Variants in ENTREP2 observed in about 807,000 individuals in gnomAD.
The protein encoded by ENTREP2 is protein ENTREP2.
chr15:29,326,139 T>C, the ENTREP2 span, among the ~76,000 whole-genome samples: 2 of 152,108 alleles, frequency 1.3e-5, no homozygotes, highest in Non-Finnish European at 2.9e-5. Context: ...AATAATGAAA[T>C]ACTGCACACT....
At chr15:29,481,794 G>A in the ENTREP2 span, among the ~76,000 whole-genome samples, 2 of 152,012 alleles carry the variant, frequency 1.3e-5, no homozygotes, top group African/African-American at 4.8e-5. Flanking sequence ...CTGACTTCAC[G>A]AATAAGCGGA....
the ENTREP2 span, among the ~76,000 whole-genome samples, chr15:29,539,595 GC>G: frequency 2.0e-5 from 3 of 152,072 alleles, no homozygotes; most frequent in East Asian, 3.9e-4. Flanking sequence ...CACATGCCCT[GC>G]CCCTATTTCC....
the ENTREP2 span, among the ~76,000 whole-genome samples, chr15:29,600,915 T>TTTTTTTTTTTTTTTTTTTTTG: frequency 7.0e-6 from 1 of 143,446 alleles, no homozygotes; most frequent in East Asian, 2.0e-4. Context: ...TTTTTTTTTT[T>TTTTTTTTTTTTTTTTTTTTTG]GAGACAGAGT....
chr15:29,269,680 C>A, the ENTREP2 span: 1 of 1,554,580 alleles, frequency 6.4e-7, no homozygotes, highest in Non-Finnish European at 8.6e-7. Context: ...GCCAGAGCGG[C>A]CCCGGTTCCT....
the ENTREP2 span, among the ~76,000 whole-genome samples, chr15:29,174,284 C>T: frequency 2.0e-5 from 3 of 152,154 alleles, no homozygotes; most frequent in Admixed American, 6.5e-5. Context: ...TGTATCAGAA[C>T]GACAACTCAT....
chr15:29,269,601 G>A, the ENTREP2 span: 2 of 1,557,704 alleles, frequency 1.3e-6, no homozygotes, highest in Non-Finnish European at 1.7e-6. Context: ...GAACCCGGGC[G>A]TCTTCCCCGG....
chr15:29,305,860 T>C, the ENTREP2 span, among the ~76,000 whole-genome samples: 1 of 152,120 alleles, frequency 6.6e-6, no homozygotes, highest in Non-Finnish European at 1.5e-5. Flanking sequence ...GAAATCCCAT[T>C]AGAGAGAGAA....
the ENTREP2 span, among the ~76,000 whole-genome samples, chr15:29,347,851 G>A: frequency 1.3e-5 from 2 of 152,156 alleles, no homozygotes; most frequent in Admixed American, 6.5e-5. Flanking sequence ...ATGTAGACAC[G>A]GTATCTGCGA....
At chr15:29,250,870 C>T in the ENTREP2 span, among the ~76,000 whole-genome samples, 1 of 152,324 alleles carries the variant, frequency 6.6e-6, no homozygotes, top group East Asian at 1.9e-4. Flanking sequence ...GAGAATACTT[C>T]TGTGCACATC....
At chr15:29,560,087 G>A in the ENTREP2 span, among the ~76,000 whole-genome samples, 4 of 152,208 alleles carry the variant, frequency 2.6e-5, no homozygotes, top group Non-Finnish European at 5.9e-5. Flanking sequence ...AGCCACTTAC[G>A]GGGCTACCAG....
chr15:29,213,686 T>G, the ENTREP2 span, among the ~76,000 whole-genome samples: 145 of 152,274 alleles, frequency 9.5e-4, 1 homozygote, highest in African/African-American at 3.4e-3. Flanking sequence ...AAGGAGATTT[T>G]GGGCTGAGAT....
chr15:29,363,582 G>C, the ENTREP2 span, among the ~76,000 whole-genome samples: 1 of 152,178 alleles, frequency 6.6e-6, no homozygotes, highest in Admixed American at 6.5e-5. Context: ...GCAATGAAGA[G>C]AGAGAAATAA....
chr15:29,341,820 T>C, the ENTREP2 span, among the ~76,000 whole-genome samples: 1 of 152,096 alleles, frequency 6.6e-6, no homozygotes, highest in East Asian at 1.9e-4. Flanking sequence ...TTACAGAAAC[T>C]GTCAGGAGGC....
chr15:29,260,986 A>C, the ENTREP2 span, among the ~76,000 whole-genome samples: 1 of 152,326 alleles, frequency 6.6e-6, no homozygotes, highest in Admixed American at 6.5e-5. Context: ...AACAAGACTT[A>C]ACAAAATCAT....
the ENTREP2 span, among the ~76,000 whole-genome samples, chr15:29,199,148 G>C: frequency 6.6e-6 from 1 of 152,166 alleles, no homozygotes; most frequent in Non-Finnish European, 1.5e-5. Context: ...GGGATTTTCA[G>C]CTTTAGCAGA....
At chr15:29,642,067 C>G in the ENTREP2 span, among the ~76,000 whole-genome samples, 1 of 151,986 alleles carries the variant, frequency 6.6e-6, no homozygotes, top group Non-Finnish European at 1.5e-5. Context: ...CCAAATTGAT[C>G]TACAAAATTA....
the ENTREP2 span, among the ~76,000 whole-genome samples, chr15:29,381,262 C>T: frequency 1.3e-5 from 2 of 150,110 alleles, no homozygotes; most frequent in Non-Finnish European, 3.0e-5. Context: ...CCAGACCAGC[C>T]TGGCCAAGAT....
At chr15:29,359,716 C>T in the ENTREP2 span, among the ~76,000 whole-genome samples, 1 of 152,086 alleles carries the variant, frequency 6.6e-6, no homozygotes, top group Admixed American at 6.5e-5. Context: ...CAGCCAGTTT[C>T]AATCAATTAT....
At chr15:29,485,949 G>C in the ENTREP2 span, among the ~76,000 whole-genome samples, 52 of 152,276 alleles carry the variant, frequency 3.4e-4, 1 homozygote, top group East Asian at 9.3e-3. Flanking sequence ...AAAATCGTAT[G>C]GAGATTTCTC....
Sources: allele counts gnomAD v4.1 joint callset (sites outside exome capture counted in the v4.1 genomes callset), GRCh38; gene constraint gnomAD v4.1.1; transcripts MANE v1.5; gene names NCBI Gene and HGNC (gene_info 2026-07-23, HGNC 2026-07-21).